ITGAV: variants seen among roughly 807,000 people sequenced by gnomAD.
ITGAV encodes integrin subunit alpha V, also known as integrin alpha-V.
ITGAV carries 76 observed loss-of-function variants against 143.8 expected under a neutral mutation model. The observed-to-expected ratio is 0.53, with a 90% confidence interval of 0.44 to 0.64. The LOEUF (loss-of-function observed/expected upper bound fraction) is 0.64, where lower values mean the gene tolerates loss of function less well. ITGAV is among the 30% of genes least tolerant of loss of function. ITGAV has a pLI of 0.00. For missense variants in ITGAV, 1,193 were observed against 1,274.7 expected (o/e 0.94, Z 0.98); for synonymous variants, 453 against 446.7 (o/e 1.01, Z -0.18).
intron 1 of ITGAV, chr2:186,600,425 G>A: frequency 2.0e-6 from 3 of 1,537,656 alleles, no homozygotes; most frequent in Non-Finnish European, 2.6e-6. Context: ...TTATCTAAAA[G>A]AGAACTTTCT....
At chr2:186,633,663 G>T (rs959005871) in intron 6 of ITGAV, among the ~76,000 whole-genome samples, 6 of 151,318 alleles carry the variant, frequency 4.0e-5, no homozygotes, top group Admixed American at 1.3e-4. Context: ...TATTTTTATT[G>T]TGTGTGATAT....
intron 6 of ITGAV, among the ~76,000 whole-genome samples, 164 bp from the exon 7 acceptor site, chr2:186,635,918 A>G (rs2105703781): frequency 6.6e-6 from 1 of 152,344 alleles, no homozygotes; most frequent in South Asian, 2.1e-4. Context: ...TAAGTTAAGA[A>G]TATCCATTTT....
At position 186,666,899 on chromosome 2, in the gene ITGAV, T is replaced by C. The variant is rs535214581; in HGVS notation, c.2246+116T>C. The C allele has an allele frequency of 1.1e-5, 6 of 569,726 alleles. No individual in the cohort carries two copies. The South Asian group carries it at 2.0e-4, about 19-fold the overall frequency. 35.3% of individuals were successfully genotyped at this position (569,726 alleles called of 1,614,324 possible). A position where few individuals can be genotyped will look rare whatever the true frequency, so the allele number is the denominator to read the frequency against. On this transcript the variant is annotated intron_variant, in intron 22 of 29. Coordinates refer to ENST00000261023, the MANE Select transcript of ITGAV (RefSeq NM_002210.5). The stretch of plus-strand genomic sequence containing the variant: ...CAGATTAAATTTTATTGCTTGACTA[T>C]AGCATTTTAAAATCAATATTTACAT...
Position 186,629,626 on chromosome 2 carries a change from G to A in ITGAV, c.524-1171G>A, listed in dbSNP as rs1687765021. Among the ~76,000 whole-genome samples the A allele has an allele frequency of 2.0e-5, 3 of 151,904 alleles. No homozygotes were observed. The South Asian group carries it at 6.2e-4, about 31-fold the overall frequency. ...ATATTAAGTGTGTAATCTTTGGGCAGTTTCCAGGCTTTAAAAATGGGTTCA... is the reference window on the plus strand; with the variant it reads ...ATATTAAGTGTGTAATCTTTGGGCAATTTCCAGGCTTTAAAAATGGGTTCA... On this transcript the variant is annotated intron_variant, in intron 4 of 29. Transcript: ENST00000261023.
intron 4 of ITGAV, among the ~76,000 whole-genome samples, chr2:186,630,142 C>A (rs991075764): frequency 2.6e-5 from 4 of 151,926 alleles, no homozygotes; most frequent in Non-Finnish European, 5.9e-5. Flanking sequence ...CTGTCCATTT[C>A]CTGAAATTCT....
rs1273250738 is a variant in ITGAV, at chr2:186,630,844, A to G, written c.571A>G (p.Ile191Val). Residue 191 changes from isoleucine to valine, a missense_variant, in exon 5 of 30, where the codon ATT (isoleucine) becomes GTT (valine). By Grantham distance (29) the Ile-to-Val change is conservative. Coordinates refer to ENST00000261023, the MANE Select transcript of ITGAV (RefSeq NM_002210.5). Reference sequence around the variant, plus strand: ...GGGATTTTGTCAAGGAGGATTCAGCATTGATTTTACTAAAGTAAGTTCTTA... The same window carrying G: ...GGGATTTTGTCAAGGAGGATTCAGCGTTGATTTTACTAAAGTAAGTTCTTA... ...GQGFCQGGFS[I>V]DFTKADRVLL... 2 of 1,570,930 alleles carry G rather than the reference A, an allele frequency of 1.3e-6. No individual in the cohort carries two copies. Among genetic ancestry groups the G allele is most frequent in the Non-Finnish European group, 1.8e-6 (2 of 1,142,584 alleles).
intron 15 of ITGAV, among the ~76,000 whole-genome samples, chr2:186,652,462 G>T (rs1688463118): frequency 6.6e-6 from 1 of 151,572 alleles, no homozygotes; most frequent in African/African-American, 2.4e-5. Flanking sequence ...AAAGTGCTAG[G>T]ATTTACAGGC....
intron 1 of ITGAV, among the ~76,000 whole-genome samples, chr2:186,600,812 A>G (rs1031009594): frequency 2.6e-5 from 4 of 152,056 alleles, no homozygotes; most frequent in African/African-American, 9.7e-5. Flanking sequence ...TATAAAAATT[A>G]GCCAGGCGTG....
At chr2:186,592,886 A>T (rs887827627) in intron 1 of ITGAV, among the ~76,000 whole-genome samples, 6 of 152,174 alleles carry the variant, frequency 3.9e-5, no homozygotes. Context: ...CTTTTTAAAC[A>T]AAACGTATAT....
chr2:186,594,271 GC>G (rs1686689165), intron 1 of ITGAV, among the ~76,000 whole-genome samples: 2 of 152,154 alleles, frequency 1.3e-5, no homozygotes, highest in Admixed American at 1.3e-4. Flanking sequence ...GATGTTAGTT[GC>G]ACCTCTGTTT....
chr2:186,620,093 C>T (rs566745484), intron 2 of ITGAV, among the ~76,000 whole-genome samples: 146 of 152,302 alleles, frequency 9.6e-4, no homozygotes, highest in African/African-American at 3.5e-3. Flanking sequence ...TTAAAAAATT[C>T]AAGATTACCC....
chr2:186,610,025 C>G (rs920477606), intron 2 of ITGAV, among the ~76,000 whole-genome samples: 1 of 152,058 alleles, frequency 6.6e-6, no homozygotes, highest in African/African-American at 2.4e-5. Flanking sequence ...ATCTTGGACT[C>G]CTGGTTCCTT....
Position 186,638,419 on chromosome 2 carries a change from A to G in ITGAV, c.857A>G (p.Tyr286Cys), listed in dbSNP as rs1476914143. 1 of 1,611,954 alleles carries G rather than the reference A, an allele frequency of 6.2e-7. No individual in the cohort carries two copies. Residue 286 changes from tyrosine to cysteine, a missense_variant, in exon 10 of 30, where the codon TAT becomes TGT. Tyr to Cys is a radical substitution (Grantham distance 194, BLOSUM62 -2). Coordinates refer to ENST00000261023, the MANE Select transcript of ITGAV (RefSeq NM_002210.5). ...ATTTTTCCTTCACAGGTTTATATTT[A>G]TGATGGGAAGAACATGTCCTCCTTA... ...AARTLGMVYI[Y>C]DGKNMSSLYN...
chr2:186,632,981 CTAGATAGATAGA>C lies in ITGAV; in HGVS notation c.586-337_586-326del, dbSNP rs56050855. Among the ~76,000 whole-genome samples the C allele has an allele frequency of 1.1e-4, 17 of 150,164 alleles. No individual in the cohort carries two copies. In the East Asian group the frequency reaches 3.2e-3, roughly 28 times the overall value. ...TTGACTTTGTTTGCTTTAATATATA[CTAGATAGATAGA>C]TAGATAGATACATAGACAGATAGAT... On this transcript the variant is annotated intron_variant, in intron 5 of 29. Transcript: ENST00000261023.
At chr2:186,590,556 C>G (rs770998083) in intron 1 of ITGAV, 33 bp downstream of exon 1, 1 of 1,570,198 alleles carries the variant, frequency 6.4e-7, no homozygotes, top group Admixed American at 1.8e-5. Flanking sequence ...GGAGCCGGCC[C>G]CCTCCCCCAC....
In ITGAV at chr2:186,665,654, G is replaced by A. The variant is rs61763153; in HGVS notation, c.2166+436G>A. ...TAAATCAGGCTCCCCTTCAGATGGT[G>A]GAGCAGGGTGCCCAGGAGCTTGAAA... On this transcript the variant is annotated intron_variant, in intron 21 of 29. Transcript: ENST00000261023. 7.1e-3 allele frequency among the ~76,000 whole-genome samples: 1,088 copies of A among 152,294 alleles called. 13 individuals carry two copies. The highest frequency in any genetic ancestry group is 0.025 in the African/African-American group (1,052 of 41,556).
chr2:186,622,376 T>C lies in ITGAV; in HGVS notation c.354T>C (p.Phe118=). The change falls in exon 3 of 30, where the codon TTT becomes TTC. Residue 118 remains phenylalanine, a synonymous_variant. Coordinates refer to ENST00000261023, the MANE Select transcript of ITGAV (RefSeq NM_002210.5). ...ATGCCAAGGATGATCCATTGGAATT[T>C]AAGTCCCATCAGTGGTTTGGAGCAT... ...RDYAKDDPLE[F]KSHQWFGASV... The C allele has an allele frequency of 6.2e-7, 1 of 1,613,898 alleles. No individual in the cohort carries two copies. Among genetic ancestry groups the C allele is most frequent in the Non-Finnish European group, 8.5e-7 (1 of 1,179,792 alleles).
intron 1 of ITGAV, among the ~76,000 whole-genome samples, chr2:186,596,382 T>A (rs968207545): frequency 1.2e-4 from 19 of 152,300 alleles, no homozygotes; most frequent in South Asian, 1.0e-3. Context: ...TAGTCATTCT[T>A]AGATGAAATT....
At chr2:186,669,582 T>C in intron 25 of ITGAV, 119 bp from the exon 26 acceptor site, 2 of 681,724 alleles carry the variant, frequency 2.9e-6, no homozygotes, top group Non-Finnish European at 5.1e-6. Flanking sequence ...GTAAATATTC[T>C]GTCATACTAA....
Sources: gnomAD v4.1 joint callset for allele counts (sites outside exome capture counted in the v4.1 genomes callset) on GRCh38, gnomAD v4.1.1 for gene constraint, MANE v1.5 for transcripts, NCBI Gene and HGNC (gene_info 2026-07-23, HGNC 2026-07-21) for gene names.